Variants in AHCYL2 observed in about 807,000 individuals in gnomAD.
AHCYL2 encodes the protein S-adenosylhomocysteine hydrolase-like protein 2.
A neutral mutation model predicts 81.4 loss-of-function variants in AHCYL2; 28 were observed. The observed-to-expected ratio is 0.34, with a 90% CI of 0.25 to 0.47. The LOEUF (loss-of-function observed/expected upper bound fraction) is 0.47, where lower values mean the gene tolerates loss of function less well. AHCYL2 is among the 20% of genes least tolerant of loss of function. The pLI is 1.00. For synonymous variants in AHCYL2, 272 were observed against 290.2 expected, an observed-to-expected ratio of 0.94 and a Z score of 0.64; for missense variants, 551 against 785.1, an observed-to-expected ratio of 0.70 and a Z score of 3.56.
chr7:129,420,654 CTT>C (rs1331420934), intron 12 of AHCYL2, among the ~76,000 whole-genome samples: 1 of 143,070 alleles, frequency 7.0e-6, no homozygotes, highest in Admixed American at 7.0e-5. Context: ...TAATTCTGTT[CTT>C]TTTTTTTTTT....
intron 1 of AHCYL2, among the ~76,000 whole-genome samples, chr7:129,349,551 G>T (rs192847786): frequency 1.3e-5 from 2 of 149,790 alleles, no homozygotes; most frequent in East Asian, 4.0e-4. Context: ...AGGAGGCTGA[G>T]TGAGGCAGGA....
intron 1 of AHCYL2, among the ~76,000 whole-genome samples, chr7:129,357,794 C>G (rs1020620873): frequency 4.0e-5 from 6 of 151,460 alleles, no homozygotes; most frequent in Non-Finnish European, 8.8e-5. Context: ...ATTAGCTGGG[C>G]GTGGTGGCGG....
At chr7:129,249,991 G>A (rs1208356404) in intron 1 of AHCYL2, among the ~76,000 whole-genome samples, 1 of 152,038 alleles carries the variant, frequency 6.6e-6, no homozygotes, top group Non-Finnish European at 1.5e-5. Flanking sequence ...TATTCTTTTG[G>A]CTATTGTGAA....
chr7:129,377,586 G>A (rs1233745097), intron 1 of AHCYL2: 1 of 456,662 alleles, frequency 2.2e-6, no homozygotes, highest in Non-Finnish European at 4.4e-6. Context: ...TGTACTGTAT[G>A]TTCTGCCCAT....
intron 1 of AHCYL2, among the ~76,000 whole-genome samples, chr7:129,226,834 G>A (rs1794239865): frequency 6.6e-6 from 1 of 152,292 alleles, no homozygotes; most frequent in African/African-American, 2.4e-5. Flanking sequence ...AAGTAAAAAA[G>A]AGAGGCAGCA....
At chr7:129,335,616 C>T (rs1798574378) in intron 1 of AHCYL2, among the ~76,000 whole-genome samples, 1 of 152,128 alleles carries the variant, frequency 6.6e-6, no homozygotes, top group African/African-American at 2.4e-5. Flanking sequence ...CTACAGTCAT[C>T]TGAAAGCTCA....
chr7:129,278,501 T>G (rs1331300407), intron 1 of AHCYL2, among the ~76,000 whole-genome samples: 1 of 152,216 alleles, frequency 6.6e-6, no homozygotes, highest in African/African-American at 2.4e-5. Context: ...CCTCCCAGTC[T>G]GTGGCTTATT....
At chr7:129,312,697 G>T (rs1051605690) in intron 1 of AHCYL2, among the ~76,000 whole-genome samples, 4 of 152,022 alleles carry the variant, frequency 2.6e-5, no homozygotes, top group African/African-American at 7.3e-5. Context: ...AAAAATTGAG[G>T]TGTAAAATAC....
At chr7:129,385,845 ACT>A (rs1476192479) in intron 2 of AHCYL2, among the ~76,000 whole-genome samples, 1 of 151,828 alleles carries the variant, frequency 6.6e-6, no homozygotes, top group Non-Finnish European at 1.5e-5. Context: ...TATTTTAGAA[ACT>A]CTGTTCAAGT....
chr7:129,285,186 C>T (rs963307845), intron 1 of AHCYL2, among the ~76,000 whole-genome samples: 2 of 152,094 alleles, frequency 1.3e-5, no homozygotes, highest in African/African-American at 4.8e-5. Context: ...ATGTAGCCTC[C>T]CTGATGTGTG....
At chr7:129,358,811 T>C (rs2150840086) in intron 1 of AHCYL2, among the ~76,000 whole-genome samples, 1 of 152,290 alleles carries the variant, frequency 6.6e-6, no homozygotes, top group African/African-American at 2.4e-5. Context: ...GGTGGCAAGA[T>C]ATAGATGAAA....
chr7:129,347,136 G>T (rs1793389946), intron 1 of AHCYL2, among the ~76,000 whole-genome samples: 1 of 152,240 alleles, frequency 6.6e-6, no homozygotes, highest in Non-Finnish European at 1.5e-5. Flanking sequence ...CTGGGAGAAG[G>T]GAAGGATAAA....
At chr7:129,292,046 A>T (rs1399003768) in intron 1 of AHCYL2, among the ~76,000 whole-genome samples, 1 of 152,170 alleles carries the variant, frequency 6.6e-6, no homozygotes, top group Non-Finnish European at 1.5e-5. Context: ...AGTGTTGAAG[A>T]ATTAAGTTCC....
chr7:129,421,399 C>T (rs1797113523), intron 12 of AHCYL2, among the ~76,000 whole-genome samples: 1 of 152,020 alleles, frequency 6.6e-6, no homozygotes, highest in African/African-American at 2.4e-5. Flanking sequence ...TTAACCATTC[C>T]CTTATTTATT....
intron 1 of AHCYL2, among the ~76,000 whole-genome samples, chr7:129,337,035 C>CTACA (rs1798626504): frequency 6.6e-6 from 1 of 152,198 alleles, no homozygotes; most frequent in Admixed American, 6.5e-5. Flanking sequence ...GTGTGAACCA[C>CTACA]TACATGCTGG....
At chr7:129,322,221 C>T (rs1255161947) in intron 1 of AHCYL2, among the ~76,000 whole-genome samples, 1 of 152,108 alleles carries the variant, frequency 6.6e-6, no homozygotes, top group East Asian at 1.9e-4. Context: ...CTCACTGCAA[C>T]CTCTTCCTCC....
At chr7:129,273,628 G>T (rs1401691931) in intron 1 of AHCYL2, among the ~76,000 whole-genome samples, 1 of 151,892 alleles carries the variant, frequency 6.6e-6, no homozygotes, top group Admixed American at 6.6e-5. Flanking sequence ...GCGCCTGGCC[G>T]ACTTCAGAAA....
intron 1 of AHCYL2, chr7:129,283,244 C>A: frequency 2.5e-6 from 1 of 398,542 alleles, no homozygotes; most frequent in Non-Finnish European, 4.9e-6. Context: ...TTGGGTTCCT[C>A]CTTCATTAAA....
In AHCYL2 at chr7:129,389,726, C is replaced by A; in HGVS notation, c.712C>A (p.Gln238Lys). Reference protein sequence around the residue: ...KIVGCTHITAQTAVLMETLGA... With the variant: ...KIVGCTHITAKTAVLMETLGA... The stretch of plus-strand genomic sequence containing the variant: ...CGTGGGTTGCACACACATCACTGCT[C>A]AGACTGCTGTGAGTTCTTTTCTTTT... The change falls in exon 4 of 17, where the codon CAG (glutamine) becomes AAG (lysine). Residue 238 changes from glutamine (Q) to lysine (K), a missense_variant. Transcript: ENST00000325006. 1 of 1,607,932 alleles carries A rather than the reference C, an allele frequency of 6.2e-7. No homozygotes were observed. The highest frequency in any genetic ancestry group is 1.1e-5 in the South Asian group (1 of 89,426).
Sources: gnomAD v4.1 joint callset for allele counts (sites outside exome capture counted in the v4.1 genomes callset) on GRCh38, gnomAD v4.1.1 for gene constraint, MANE v1.5 for transcripts, NCBI Gene and HGNC (gene_info 2026-07-23, HGNC 2026-07-21) for gene names.